Variants in MIPOL1 observed in about 807,000 individuals in gnomAD.
MIPOL1 encodes mirror-image polydactyly 1.
In MIPOL1, 57 loss-of-function variants were observed where a neutral mutation model predicts 60.9. The ratio of observed to expected loss-of-function variants is 0.94; its 90% CI spans 0.76 to 1.17. The LOEUF (loss-of-function observed/expected upper bound fraction) is 1.17. Among genes scored for constraint, MIPOL1 ranks in the 50% most tolerant of loss-of-function variants. The pLI is 0.00. For missense variants in MIPOL1, 551 were observed against 511.6 expected (o/e 1.08, Z -0.74); for synonymous variants, 179 against 168.8 (o/e 1.06, Z -0.47).
intron 11 of MIPOL1, among the ~76,000 whole-genome samples, chr14:37,433,433 A>G (rs2094109526): frequency 6.6e-6 from 1 of 151,564 alleles, no homozygotes; most frequent in Non-Finnish European, 1.5e-5. Context: ...ATGTGTTCTC[A>G]TTGTTCAACT....
intron 10 of MIPOL1, among the ~76,000 whole-genome samples, chr14:37,415,737 A>G (rs190567093): frequency 1.5e-3 from 222 of 152,284 alleles, no homozygotes; most frequent in Admixed American, 3.7e-3. Flanking sequence ...CCTGAGTTCA[A>G]ACCCTTGCTC....
At chr14:37,273,180 T>C (rs913160766) in intron 6 of MIPOL1, among the ~76,000 whole-genome samples, 2 of 150,952 alleles carry the variant, frequency 1.3e-5, no homozygotes, top group Non-Finnish European at 3.0e-5. Context: ...TTAAGTGAAA[T>C]AGGGGAAAAA....
At chr14:37,492,697 T>C (rs1326467765) in intron 11 of MIPOL1, among the ~76,000 whole-genome samples, 1 of 152,196 alleles carries the variant, frequency 6.6e-6, no homozygotes, top group Admixed American at 6.5e-5. Context: ...ATGACAAGAC[T>C]GAAATTTGAA....
At chr14:37,205,870 G>A (rs1032710282) in intron 1 of MIPOL1, among the ~76,000 whole-genome samples, 2 of 152,120 alleles carry the variant, frequency 1.3e-5, no homozygotes, top group African/African-American at 4.8e-5. Flanking sequence ...GTCTGTCATT[G>A]TTGGACATTT....
intron 9 of MIPOL1, among the ~76,000 whole-genome samples, chr14:37,339,327 G>A (rs968363077): frequency 6.6e-6 from 1 of 152,214 alleles, no homozygotes; most frequent in Non-Finnish European, 1.5e-5. Flanking sequence ...AGGATATGGA[G>A]CAACTGAAAC....
chr14:37,427,397 A>G (rs2093984546), intron 11 of MIPOL1, among the ~76,000 whole-genome samples: 1 of 152,166 alleles, frequency 6.6e-6, no homozygotes, highest in Admixed American at 6.5e-5. Context: ...AATAGAGGTT[A>G]CCCGGAGTTG....
intron 11 of MIPOL1, among the ~76,000 whole-genome samples, chr14:37,467,304 G>A (rs559015821): frequency 6.6e-6 from 1 of 152,200 alleles, no homozygotes; most frequent in African/African-American, 2.4e-5. Flanking sequence ...TAACAACTTG[G>A]TTTTCTTTTA....
At chr14:37,491,690 A>G (rs547143290) in intron 11 of MIPOL1, among the ~76,000 whole-genome samples, 2 of 152,274 alleles carry the variant, frequency 1.3e-5, no homozygotes, top group East Asian at 3.9e-4. Context: ...TAATAAATAT[A>G]TTGACAACTT....
intron 3 of MIPOL1, among the ~76,000 whole-genome samples, chr14:37,266,331 G>T (rs75230779): frequency 0.039 from 5,996 of 152,224 alleles, 277 homozygotes; most frequent in African/African-American, 0.11. Context: ...ATTCTTGACA[G>T]CTCAAAATGC....
intron 9 of MIPOL1, among the ~76,000 whole-genome samples, chr14:37,334,293 A>ATAT (rs2089950127): frequency 6.6e-6 from 1 of 151,996 alleles, no homozygotes; most frequent in Non-Finnish European, 1.5e-5. Flanking sequence ...TGATAATTGA[A>ATAT]TATTTTTAAT....
At chr14:37,403,764 A>C (rs1029100618) in intron 10 of MIPOL1, among the ~76,000 whole-genome samples, 6 of 152,132 alleles carry the variant, frequency 3.9e-5, no homozygotes, top group African/African-American at 1.4e-4. Flanking sequence ...GGTGTTAAAA[A>C]CTGATAAGCA....
At chr14:37,539,193 C>T (rs1398515854) in intron 12 of MIPOL1, among the ~76,000 whole-genome samples, 2 of 152,008 alleles carry the variant, frequency 1.3e-5, no homozygotes, top group Non-Finnish European at 2.9e-5. Context: ...CAGAGGGAGA[C>T]TCCGTCTCAA....
intron 12 of MIPOL1, among the ~76,000 whole-genome samples, chr14:37,516,677 A>G (rs896795165): frequency 2.0e-5 from 3 of 152,172 alleles, no homozygotes; most frequent in Non-Finnish European, 4.4e-5. Flanking sequence ...TTTATTTGCT[A>G]TGACTTTAGA....
In MIPOL1 at chr14:37,308,052, C is replaced by G; in HGVS notation, c.624-4C>G. 1.9e-6 allele frequency: 3 copies of G among 1,608,444 alleles called. No individual in the cohort carries two copies. The highest frequency in any genetic ancestry group is 2.5e-6 in the Non-Finnish European group (3 of 1,177,200). On this transcript the variant is annotated splice_region_variant and splice_polypyrimidine_tract_variant and intron_variant, in intron 7 of 12. Coordinates refer to ENST00000684589, the MANE Select transcript of MIPOL1 (RefSeq NM_001388067.1). ...ATCAGGCTTTCTGTGTCCCTTTTTT[C>G]TAGGCTAGAAAATATTAACCCTGAA...
chr14:37,259,197 C>T lies in MIPOL1; in HGVS notation c.20-7741C>T, dbSNP rs570440995. ...CTTATTTCAGTATCTTATAGCTACA[C>T]GTAGCCTTTACCATTCAATATGTTT... On this transcript the variant is annotated intron_variant, in intron 3 of 12. Coordinates refer to ENST00000684589, the MANE Select transcript of MIPOL1 (RefSeq NM_001388067.1). Among the ~76,000 whole-genome samples the T allele has an allele frequency of 3.9e-5, 6 of 152,212 alleles. No homozygotes were observed. In the South Asian group the frequency reaches 1.2e-3, roughly 32 times the overall value.
chr14:37,390,872 A>G (rs1211128166), intron 10 of MIPOL1, among the ~76,000 whole-genome samples: 1 of 152,062 alleles, frequency 6.6e-6, no homozygotes, highest in East Asian at 1.9e-4. Context: ...ACAAGATAGT[A>G]GCCAAGATTT....
chr14:37,252,171 T>A (rs1366703280), intron 3 of MIPOL1, among the ~76,000 whole-genome samples: 4 of 151,760 alleles, frequency 2.6e-5, no homozygotes, highest in African/African-American at 9.7e-5. Flanking sequence ...GATCATCATA[T>A]GTAATATATA....
At chr14:37,417,345 G>A (rs1025564346) in intron 10 of MIPOL1, among the ~76,000 whole-genome samples, 3 of 151,996 alleles carry the variant, frequency 2.0e-5, no homozygotes, top group South Asian at 4.2e-4. Flanking sequence ...TATATCACTC[G>A]ACAGTGTATA....
intron 10 of MIPOL1, chr14:37,370,088 A>G (rs952942630): frequency 6.6e-6 from 1 of 152,234 alleles, no homozygotes; most frequent in Non-Finnish European, 1.5e-5. Flanking sequence ...GGAAATGAAG[A>G]GGTACTTAGA....
Sources: gnomAD v4.1 joint callset for allele counts (sites outside exome capture counted in the v4.1 genomes callset) on GRCh38, gnomAD v4.1.1 for gene constraint, MANE v1.5 for transcripts, NCBI Gene and HGNC (gene_info 2026-07-23, HGNC 2026-07-21) for gene names.